Variants in PTPRQ observed in about 807,000 individuals in gnomAD.
PTPRQ encodes the protein phosphatidylinositol phosphatase PTPRQ.
Under a neutral mutation model 246.0 loss-of-function variants are expected in PTPRQ, and 199 were observed. The observed-to-expected ratio is 0.81, with a 90% CI of 0.72 to 0.91. The LOEUF (loss-of-function observed/expected upper bound fraction) is 0.91, where lower values mean the gene tolerates loss of function less well. Among genes scored for constraint, PTPRQ ranks in the 40% least tolerant of loss-of-function variants. PTPRQ has a pLI of 0.00. For synonymous variants in PTPRQ, 869 were observed against 853.2 expected (o/e 1.02, Z -0.32); for missense variants, 2,624 against 2,528.4 (o/e 1.04, Z -0.81).
At chr12:80,493,535 G>T in intron 10 of PTPRQ, 80 bp downstream of exon 10, 5 of 1,422,864 alleles carry the variant, frequency 3.5e-6, no homozygotes, top group Non-Finnish European at 4.6e-6. Flanking sequence ...TAAGCTTAGA[G>T]TTCAGCCATA....
chr12:80,496,611 A>G, intron 14 of PTPRQ, 80 bp downstream of exon 14: 1 of 1,436,838 alleles, frequency 7.0e-7, no homozygotes, highest in South Asian at 1.5e-5. Flanking sequence ...TGTTGTTTAC[A>G]TTTTACATAA....
chr12:80,583,048 T>A (rs1897496607), intron 25 of PTPRQ, among the ~76,000 whole-genome samples: 1 of 152,174 alleles, frequency 6.6e-6, no homozygotes, highest in African/African-American at 2.4e-5. Context: ...GTTTTCAATG[T>A]GTGACACTCT....
chr12:80,514,623 A>AT (rs1258320169), intron 17 of PTPRQ, among the ~76,000 whole-genome samples: 2 of 27,952 alleles, frequency 7.2e-5, no homozygotes, highest in Non-Finnish European at 1.2e-4. Context: ...ATATTATACA[A>AT]ATTTTTAAAT....
At chr12:80,641,167 G>T (rs114486084) in intron 35 of PTPRQ, among the ~76,000 whole-genome samples, 26 of 152,086 alleles carry the variant, frequency 1.7e-4, no homozygotes, top group African/African-American at 6.3e-4. Context: ...ACGCTTCCAG[G>T]CACTCCCCTG....
At chr12:80,574,633 T>C (rs1429523568) in intron 25 of PTPRQ, among the ~76,000 whole-genome samples, 1 of 152,214 alleles carries the variant, frequency 6.6e-6, no homozygotes, top group Non-Finnish European at 1.5e-5. Context: ...ACTTGACTTA[T>C]ATCTACTTAA....
chr12:80,459,617 C>T lies in PTPRQ; in HGVS notation c.660+134C>T, dbSNP rs543064844. 344 of 395,234 alleles carry T rather than the reference C, an allele frequency of 8.7e-4. 1 individual carries two copies. The highest frequency in any genetic ancestry group is 1.0e-3 in the Non-Finnish European group (235 of 224,350). The allele number at this position is 395,234 out of a possible 1,614,324, so 24.5% of individuals were successfully genotyped here. On this transcript the variant is annotated intron_variant, in intron 5 of 44. Transcript: ENST00000644991. ...TGATTACTTATGGTATCATGTTATA[C>T]ACAACGTTTTATTATTTGATTACTT... is the stretch of plus-strand genomic sequence containing the variant.
intron 33 of PTPRQ, among the ~76,000 whole-genome samples, chr12:80,628,202 TA>T (rs544606979): frequency 6.6e-6 from 1 of 152,186 alleles, no homozygotes; most frequent in East Asian, 1.9e-4. Flanking sequence ...TTTTAATGTA[TA>T]AAAAAATGTA....
At chr12:80,481,404 C>A (rs1022864224) in intron 8 of PTPRQ, among the ~76,000 whole-genome samples, 1 of 152,072 alleles carries the variant, frequency 6.6e-6, no homozygotes, top group Non-Finnish European at 1.5e-5. Context: ...CATGACAAAC[C>A]CACAGCCAAT....
At chr12:80,490,259 T>C (rs994849921) in intron 9 of PTPRQ, among the ~76,000 whole-genome samples, 1 of 152,020 alleles carries the variant, frequency 6.6e-6, no homozygotes. Flanking sequence ...TACATTAAAA[T>C]ATAGAAGCAT....
At chr12:80,624,081 T>A (rs1899104326) in intron 33 of PTPRQ, among the ~76,000 whole-genome samples, 2 of 152,172 alleles carry the variant, frequency 1.3e-5, no homozygotes, top group African/African-American at 2.4e-5. Context: ...ATTCCTTCTT[T>A]GGAAGTATAA....
intron 26 of PTPRQ, among the ~76,000 whole-genome samples, chr12:80,591,590 C>T (rs563621940): frequency 6.6e-6 from 1 of 152,054 alleles, no homozygotes; most frequent in African/African-American, 2.4e-5. Context: ...ACAAAGATAG[C>T]AAAAATATAG....
chr12:80,610,437 A>G lies in PTPRQ; in HGVS notation c.4732-2A>G, dbSNP rs1204399810. ...TTAATTTTTACTTATATTTTCCTAT[A>G]GGTAGATAATGATGAATTTAATATA... On this transcript the variant is annotated splice_acceptor_variant, in intron 27 of 44. Coordinates refer to ENST00000644991, the MANE Select transcript of PTPRQ (RefSeq NM_001145026.2). LOFTEE classifies it high-confidence loss of function. 1 of 1,471,324 alleles carries G rather than the reference A, an allele frequency of 6.8e-7. No individual in the cohort carries two copies. 91.1% of individuals were successfully genotyped at this position (1,471,324 alleles called of 1,614,324 possible).
At chr12:80,618,360 TCACACACACACA>T (rs3071377) in intron 30 of PTPRQ, among the ~76,000 whole-genome samples, 10 of 125,636 alleles carry the variant, frequency 8.0e-5, no homozygotes, top group South Asian at 5.8e-4. Context: ...AGCACTACAT[TCACACACACACA>T]CACACACACA....
At chr12:80,484,321 A>T in intron 8 of PTPRQ, 112 bp from the exon 9 acceptor site, 1 of 1,308,306 alleles carries the variant, frequency 7.6e-7, no homozygotes. Context: ...CTGTTTTCTA[A>T]TAGAATTGTT....
chr12:80,607,551 G>T (rs1898374888), intron 27 of PTPRQ, among the ~76,000 whole-genome samples: 1 of 147,878 alleles, frequency 6.8e-6, no homozygotes, highest in Admixed American at 6.8e-5. Context: ...ACTGTGCTAG[G>T]TGCTGGATAT....
chr12:80,539,947 A>G lies in PTPRQ; in HGVS notation c.3154+3A>G. The G allele has an allele frequency of 1.4e-6, 2 of 1,477,782 alleles. No homozygotes were observed. Among genetic ancestry groups the G allele is most frequent in the Non-Finnish European group, 9.0e-7 (1 of 1,114,744 alleles). The allele number at this position is 1,477,782 out of a possible 1,614,324, so 91.5% of individuals were successfully genotyped here. On this transcript the variant is annotated splice_donor_region_variant and intron_variant, in intron 20 of 44. Transcript: ENST00000644991. ...TGAAGTATACACAGATCAAGACAGT[A>G]TGTAAACAAAAAACACTAATCTTTA...
intron 3 of PTPRQ, among the ~76,000 whole-genome samples, chr12:80,450,069 G>C (rs897288869): frequency 1.3e-5 from 2 of 152,036 alleles, no homozygotes; most frequent in Non-Finnish European, 2.9e-5. Context: ...GTGGTTTGTA[G>C]TTCTCCTTGA....
At chr12:80,574,869 A>G (rs565330335) in intron 25 of PTPRQ, among the ~76,000 whole-genome samples, 2 of 152,294 alleles carry the variant, frequency 1.3e-5, no homozygotes, top group Non-Finnish European at 2.9e-5. Context: ...ATGTACATAT[A>G]ATTAAAATAT....
chr12:80,529,913 C>A lies in PTPRQ; in HGVS notation c.2679-4102C>A, dbSNP rs1442499708. 2.0e-5 allele frequency among the ~76,000 whole-genome samples: 3 copies of A among 152,220 alleles called. No individual in the cohort carries two copies. In the East Asian group the frequency reaches 5.8e-4, roughly 29 times the overall value. On this transcript the variant is annotated intron_variant, in intron 17 of 44. Coordinates refer to ENST00000644991, the MANE Select transcript of PTPRQ (RefSeq NM_001145026.2). The stretch of plus-strand genomic sequence containing the variant: ...AAATCATTTTACTGAGGACTTCCCT[C>A]AAGTTTCATCTCAGTTTGAAAACAG...
Sources: allele counts gnomAD v4.1 joint callset (sites outside exome capture counted in the v4.1 genomes callset), GRCh38; gene constraint gnomAD v4.1.1; transcripts MANE v1.5; gene names NCBI Gene and HGNC (gene_info 2026-07-23, HGNC 2026-07-21).